SLC30A2: variants seen among roughly 807,000 people sequenced by gnomAD.
The protein encoded by SLC30A2 is proton-coupled zinc antiporter SLC30A2.
SLC30A2 carries 19 observed loss-of-function variants against 39.6 expected under a neutral mutation model. That is an observed-to-expected ratio of 0.48 (90% confidence interval 0.34 to 0.70). The LOEUF (loss-of-function observed/expected upper bound fraction) is 0.70, where lower values mean the gene tolerates loss of function less well. SLC30A2 is among the 30% of genes least tolerant of loss of function. The probability of loss-of-function intolerance (pLI) is 0.01; values close to 1 mark genes in which losing one functional copy is unlikely to be tolerated. For missense variants in SLC30A2, 387 were observed against 479.4 expected, an observed-to-expected ratio of 0.81 and a Z score of 1.80; for synonymous variants, 195 against 194.8, an observed-to-expected ratio of 1.00 and a Z score of -0.01.
chr1:26,040,283 C>T (rs1449794734), intron 6 of SLC30A2, among the ~76,000 whole-genome samples: 1 of 152,074 alleles, frequency 6.6e-6, no homozygotes, highest in African/African-American at 2.4e-5. Flanking sequence ...GAATCTTGCT[C>T]TGTCACCCAG....
At chr1:26,044,950 A>G (rs778285254) in intron 2 of SLC30A2, 47 bp downstream of exon 2, 8 of 1,485,814 alleles carry the variant, frequency 5.4e-6, no homozygotes, top group Middle Eastern at 1.7e-4. Flanking sequence ...GGGAACATCC[A>G]GTCTATCCAT....
intron 5 of SLC30A2, 61 bp from the exon 6 acceptor site, chr1:26,041,866 C>T: frequency 2.0e-6 from 2 of 998,100 alleles, no homozygotes; most frequent in Non-Finnish European, 3.1e-6. Context: ...CTTCCCTTCT[C>T]CCCTCCCACC....
chr1:26,045,277 C>G (rs2050448219), intron 1 of SLC30A2, 60 bp from the exon 2 acceptor site: 2 of 1,383,142 alleles, frequency 1.4e-6, no homozygotes, highest in Non-Finnish European at 2.0e-6. Flanking sequence ...AGGGCCGACT[C>G]TAGTCCCATT....
intron 4 of SLC30A2, among the ~76,000 whole-genome samples, chr1:26,042,973 T>A (rs1355601692): frequency 6.6e-6 from 1 of 152,176 alleles, no homozygotes; most frequent in Non-Finnish European, 1.5e-5. Flanking sequence ...CACTGTCAGT[T>A]CACTCCATCA....
At chr1:26,040,730 C>T (rs1183291579) in intron 6 of SLC30A2, among the ~76,000 whole-genome samples, 3 of 152,140 alleles carry the variant, frequency 2.0e-5, no homozygotes, top group Non-Finnish European at 4.4e-5. Context: ...TACTCCATTC[C>T]AGACTGACCC....
In SLC30A2 at chr1:26,038,924, G is replaced by T; in HGVS notation, c.*236C>A. ...CCCAAATACAGCCCTTCCAGAGCTG[G>T]CCCAGGAGCTGGAAGAGCAGGGTCA... is the stretch of plus-strand genomic sequence containing the variant. On this transcript the variant is annotated 3_prime_UTR_variant, in exon 8 of 8. Transcript: ENST00000374276. 1.7e-6 allele frequency: 2 copies of T among 1,164,086 alleles called. No homozygotes were observed. Among genetic ancestry groups the T allele is most frequent in the Non-Finnish European group, 2.2e-6 (2 of 904,010 alleles). The allele number at this position is 1,164,086 out of a possible 1,614,324, so 72.1% of individuals were successfully genotyped here.
At position 26,043,539 on chromosome 1, in the gene SLC30A2, G is replaced by A; in HGVS notation, c.431C>T (p.Ala144Val). The A allele has an allele frequency of 6.2e-7, 1 of 1,613,856 alleles. No homozygotes were observed. The highest frequency in any genetic ancestry group is 2.2e-5 in the East Asian group (1 of 44,864). Residue 144 changes from alanine (A) to valine (V), a missense_variant, in exon 4 of 8, where the codon GCC becomes GTC. Coordinates refer to ENST00000374276, the MANE Select transcript of SLC30A2 (RefSeq NM_001004434.3). The stretch of plus-strand genomic sequence containing the variant: ...CCAGATGGACAGTACAGAGACCAGG[G>A]CTCCCAAGATCTCTGAGGAAGAACC... ...FGWQRAEILG[A>V]LVSVLSIWVV...
At chr1:26,045,281 TC>T in intron 1 of SLC30A2, 64 bp from the exon 2 acceptor site, 1 of 1,352,380 alleles carries the variant, frequency 7.4e-7, no homozygotes, top group Non-Finnish European at 1.0e-6. Flanking sequence ...CCGACTCTAG[TC>T]CCATTTCTCT....
At position 26,039,145 on chromosome 1, in the gene SLC30A2, T is replaced by C; in HGVS notation, c.*15A>G. 6.2e-7 allele frequency: 1 copy of C among 1,612,108 alleles called. No homozygotes were observed. The highest frequency in any genetic ancestry group is 8.5e-7 in the Non-Finnish European group (1 of 1,178,378). On this transcript the variant is annotated 3_prime_UTR_variant, in exon 8 of 8. Transcript: ENST00000374276. This position sits in a 1 kb window ranked among gnomAD's most constrained non-coding sequence, Gnocchi z 4.3. ...CAGGTCCTGTTCATGCCCCAGTTGG[T>C]GCCTGGCTGAGCAGTCAGTCTGAGG...
In SLC30A2 at chr1:26,041,755, C is replaced by G. The variant is rs2050400047; in HGVS notation, c.783G>C (p.Leu261=). The G allele has an allele frequency of 6.2e-7, 1 of 1,613,996 alleles. No homozygotes were observed. The highest frequency in any genetic ancestry group is 8.5e-7 in the Non-Finnish European group (1 of 1,179,860). ...DPICTFVFSI[L]VLGTTLTILR... ...GGATGGTCAAGGTTGTCCCCAGGAC[C>G]AGGATGGAGAAGACGAAGGTGCAGA... Residue 261 remains leucine, a synonymous_variant, in exon 6 of 8, where the codon CTG becomes CTC. Transcript: ENST00000374276.
At chr1:26,041,617 G>T in intron 6 of SLC30A2, 83 bp downstream of exon 6, 1 of 826,192 alleles carries the variant, frequency 1.2e-6, no homozygotes, top group Non-Finnish European at 2.1e-6. Flanking sequence ...GTGCTAGGAT[G>T]CCCCAGACAC....
intron 2 of SLC30A2, 37 bp from the exon 3 acceptor site, chr1:26,044,481 A>T: frequency 6.2e-7 from 1 of 1,602,290 alleles, no homozygotes; most frequent in Non-Finnish European, 8.5e-7. Flanking sequence ...TCCCCCAGAG[A>T]GCTGGCTCCC....
intron 6 of SLC30A2, among the ~76,000 whole-genome samples, chr1:26,040,263 T>C (rs1343079838): frequency 2.6e-5 from 4 of 152,136 alleles, no homozygotes; most frequent in African/African-American, 9.7e-5. Context: ...TTTTGGTTTT[T>C]TTTGAGACGG....
In SLC30A2 at chr1:26,041,173, C is replaced by A. The variant is rs555028881; in HGVS notation, c.838+527G>T. Among the ~76,000 whole-genome samples the A allele has an allele frequency of 2.6e-5, 4 of 152,306 alleles. No individual in the cohort carries two copies. The East Asian group carries it at 7.7e-4, about 29-fold the overall frequency. Reference sequence around the variant, plus strand: ...TCTCCACCACTGACCGTTCTCCAACCCCACAAAGCACAGCCATGTCCCCAC... The same window carrying A: ...TCTCCACCACTGACCGTTCTCCAACACCACAAAGCACAGCCATGTCCCCAC... On this transcript the variant is annotated intron_variant, in intron 6 of 7. Transcript: ENST00000374276.
At chr1:26,040,917 C>CCCT (rs1553143466) in intron 6 of SLC30A2, among the ~76,000 whole-genome samples, 1 of 3,792 alleles carries the variant, frequency 2.6e-4, no homozygotes, top group Non-Finnish European at 1.1e-3. Context: ...CATAGTGAGA[C>CCCT]CCCCCCCCCA....
intron 1 of SLC30A2, 87 bp from the exon 2 acceptor site, chr1:26,045,304 T>C (rs2124427224): frequency 1.9e-6 from 2 of 1,073,056 alleles, no homozygotes; most frequent in Middle Eastern, 3.1e-4. Flanking sequence ...TGAGGCCTTG[T>C]GTCCACTGGG....
At chr1:26,040,061 G>T (rs1037858724) in intron 6 of SLC30A2, 150 bp from the exon 7 acceptor site, 2 of 692,878 alleles carry the variant, frequency 2.9e-6, no homozygotes, top group Non-Finnish European at 2.5e-6. Flanking sequence ...ACCTCCCAAG[G>T]TCTCTGCCCT....
rs759966381 is a variant in SLC30A2, at chr1:26,043,496, C to T, written c.474G>A (p.Leu158=). 3 of 1,614,010 alleles carry T rather than the reference C, an allele frequency of 1.9e-6. No homozygotes were observed. The highest frequency in any genetic ancestry group is 1.7e-6 in the Non-Finnish European group (2 of 1,179,914). The part of the protein sequence containing the change: ...VLSIWVVTGV[L]VYLAVERLIS... ...TCAGCCGCTCCACAGCCAGGTACAC[C>T]AGTACCCCCGTCACGACCCAGATGG... The change falls in exon 4 of 8, where the codon CTG becomes CTA. Residue 158 remains leucine, a synonymous_variant. Coordinates refer to ENST00000374276, the MANE Select transcript of SLC30A2 (RefSeq NM_001004434.3).
chr1:26,039,701 C>A lies in SLC30A2; in HGVS notation c.973+76G>T. ...TGGGCACTGTGAGCATCTGGGGTCACCTGGACCCGTTGGGGATGGCACTAG... is the reference window on the plus strand; with the variant it reads ...TGGGCACTGTGAGCATCTGGGGTCAACTGGACCCGTTGGGGATGGCACTAG... On this transcript the variant is annotated intron_variant, in intron 7 of 7. Coordinates refer to ENST00000374276, the MANE Select transcript of SLC30A2 (RefSeq NM_001004434.3). This position sits in a 1 kb window ranked among gnomAD's most constrained non-coding sequence, Gnocchi z 4.3. The A allele has an allele frequency of 6.6e-7, 1 of 1,508,860 alleles. No homozygotes were observed. Among genetic ancestry groups the A allele is most frequent in the South Asian group, 1.2e-5 (1 of 82,106 alleles). The allele number at this position is 1,508,860 out of a possible 1,614,324, so 93.5% of individuals were successfully genotyped here.
Sources: allele counts gnomAD v4.1 joint callset (sites outside exome capture counted in the v4.1 genomes callset), GRCh38; gene constraint gnomAD v4.1.1; non-coding constraint Gnocchi (gnomAD v3.1); transcripts MANE v1.5; gene names NCBI Gene and HGNC (gene_info 2026-07-23, HGNC 2026-07-21).